CREG2: variants seen among roughly 807,000 people sequenced by gnomAD.
CREG2 encodes the protein protein CREG2.
CREG2 carries 24 observed loss-of-function variants against 26.2 expected under a neutral mutation model. The observed-to-expected ratio is 0.92, with a 90% CI of 0.66 to 1.29. The LOEUF (loss-of-function observed/expected upper bound fraction) is 1.29. CREG2 is among the 50% of genes most tolerant of loss of function. The probability of loss-of-function intolerance (pLI) is 0.00; values close to 1 mark genes in which losing one functional copy is unlikely to be tolerated. For missense variants in CREG2, 366 were observed against 398.6 expected (o/e 0.92, Z 0.70); for synonymous variants, 174 against 169.2 (o/e 1.03, Z -0.22).
chr2:101,372,611 A>C (rs1375990273), intron 2 of CREG2, among the ~76,000 whole-genome samples: 1 of 152,238 alleles, frequency 6.6e-6, no homozygotes, highest in East Asian at 1.9e-4. Flanking sequence ...CTATAAGCAC[A>C]AAAGGACATT....
chr2:101,374,625 C>G (rs149485553), intron 2 of CREG2, among the ~76,000 whole-genome samples: 3 of 152,212 alleles, frequency 2.0e-5, no homozygotes, highest in African/African-American at 7.2e-5. Context: ...GACAGAGATA[C>G]GTCTTGGCTC....
At chr2:101,384,486 G>A (rs903485568) in intron 1 of CREG2, among the ~76,000 whole-genome samples, 2 of 152,108 alleles carry the variant, frequency 1.3e-5, no homozygotes, top group Non-Finnish European at 2.9e-5. Flanking sequence ...TGGGTCATGG[G>A]GGTGGATCCC....
intron 1 of CREG2, among the ~76,000 whole-genome samples, chr2:101,385,945 A>G (rs1005197938): frequency 1.3e-5 from 2 of 152,248 alleles, no homozygotes; most frequent in African/African-American, 4.8e-5. Context: ...GTTTTCAACT[A>G]AGATCAGTGT....
chr2:101,374,785 C>T (rs1489150101), intron 2 of CREG2, among the ~76,000 whole-genome samples: 3 of 152,220 alleles, frequency 2.0e-5, no homozygotes, highest in Admixed American at 6.5e-5. Flanking sequence ...TTGAGGTTTT[C>T]ATCTATCATT....
chr2:101,370,373 G>A (rs1366758263), intron 2 of CREG2, among the ~76,000 whole-genome samples: 1 of 152,080 alleles, frequency 6.6e-6, no homozygotes, highest in Non-Finnish European at 1.5e-5. Flanking sequence ...CCATTTATTG[G>A]TGCTGAGAGT....
At chr2:101,382,712 A>T in intron 2 of CREG2, 2 of 985,380 alleles carry the variant, frequency 2.0e-6, no homozygotes, top group Non-Finnish European at 2.4e-6. Context: ...TTTGGTTATT[A>T]TGTTTTCCGT....
chr2:101,368,958 CTG>C lies in CREG2; in HGVS notation c.612-13594_612-13593del, dbSNP rs375031144. Among the ~76,000 whole-genome samples the C allele has an allele frequency of 5.8e-4, 89 of 152,324 alleles. 1 individual carries two copies. In the East Asian group the frequency reaches 0.017, roughly 29 times the overall value. The stretch of plus-strand genomic sequence containing the variant: ...ATTTTGTTACTGTTATTTGCACAGA[CTG>C]AGAGCCAAAAGGCCACTGGGACCAG... On this transcript the variant is annotated intron_variant, in intron 2 of 3. Transcript: ENST00000324768.
rs115900562 is a variant in CREG2, at chr2:101,386,867, A to G, written c.441+150T>C. On this transcript the variant is annotated intron_variant, in intron 1 of 3. Coordinates refer to ENST00000324768, the MANE Select transcript of CREG2 (RefSeq NM_153836.4). ...CACGGAGGCACCATCGCCTTCCATT[A>G]TGTACAGTGTCGAGGGTCCCATCCA... 1.2e-3 allele frequency: 961 copies of G among 769,210 alleles called. 2 individuals are homozygous for G. Among genetic ancestry groups the G allele is most frequent in the Non-Finnish European group, 1.5e-3 (870 of 567,924 alleles). The allele number at this position is 769,210 out of a possible 1,614,324, so 47.6% of individuals were successfully genotyped here. A position where few individuals can be genotyped will look rare whatever the true frequency, so the allele number is the denominator to read the frequency against.
intron 3 of CREG2, among the ~76,000 whole-genome samples, chr2:101,352,314 C>T (rs188391988): frequency 6.6e-6 from 1 of 152,224 alleles, no homozygotes; most frequent in East Asian, 1.9e-4. Flanking sequence ...GCCATAACAC[C>T]CCAAATATTA....
At chr2:101,385,395 G>C (rs1375194732) in intron 1 of CREG2, among the ~76,000 whole-genome samples, 1 of 152,198 alleles carries the variant, frequency 6.6e-6, no homozygotes, top group South Asian at 2.1e-4. Context: ...TGGCCAAGCT[G>C]GTCTTGAACT....
At chr2:101,372,327 GA>G (rs1460627251) in intron 2 of CREG2, among the ~76,000 whole-genome samples, 1 of 152,004 alleles carries the variant, frequency 6.6e-6, no homozygotes, top group African/African-American at 2.4e-5. Flanking sequence ...TCATCTGAAG[GA>G]AAAAAGTCTT....
chr2:101,350,762 C>A lies in CREG2; in HGVS notation c.*161G>T. Reference sequence around the variant, plus strand: ...GCAAATGACCACTTTAATCTCAAATCTAGCATAGAGTTCCCTGTTCACCCT... The same window carrying A: ...GCAAATGACCACTTTAATCTCAAATATAGCATAGAGTTCCCTGTTCACCCT... On this transcript the variant is annotated 3_prime_UTR_variant, in exon 4 of 4. Transcript: ENST00000324768. 1.4e-6 allele frequency: 1 copy of A among 690,870 alleles called. No homozygotes were observed. Among genetic ancestry groups the A allele is most frequent in the Non-Finnish European group, 2.5e-6 (1 of 404,368 alleles). The allele number at this position is 690,870 out of a possible 1,614,324, so 42.8% of individuals were successfully genotyped here.
In CREG2 at chr2:101,351,313, C is replaced by T. The variant is rs111354169; in HGVS notation, c.726-243G>A. Among the ~76,000 whole-genome samples the T allele has an allele frequency of 4.4e-3, 675 of 152,286 alleles. 7 individuals carry two copies. Among genetic ancestry groups the T allele is most frequent in the African/African-American group, 0.015 (614 of 41,560 alleles). On this transcript the variant is annotated intron_variant, in intron 3 of 3. Coordinates refer to ENST00000324768, the MANE Select transcript of CREG2 (RefSeq NM_153836.4). ...GGGCCAGGCTCCTTGGTGTGAATCT[C>T]AGTTCAACTGCTGATGAGCTGTGAC... is the stretch of plus-strand genomic sequence containing the variant.
At chr2:101,357,121 C>T (rs1684474424) in intron 2 of CREG2, among the ~76,000 whole-genome samples, 1 of 152,140 alleles carries the variant, frequency 6.6e-6, no homozygotes, top group African/African-American at 2.4e-5. Flanking sequence ...ACTCCTGACC[C>T]TGTGATTCGC....
At chr2:101,376,461 GT>G (rs1684792593) in intron 2 of CREG2, among the ~76,000 whole-genome samples, 1 of 152,052 alleles carries the variant, frequency 6.6e-6, no homozygotes, top group Admixed American at 6.6e-5. Context: ...TGTATTTTTA[GT>G]AGAGACAGGG....
rs966209037 is a variant in CREG2, at chr2:101,347,724, T to C, written c.*3199A>G. On this transcript the variant is annotated 3_prime_UTR_variant, in exon 4 of 4. Transcript: ENST00000324768. Reference sequence around the variant, plus strand: ...CTTTATATATTCTAGATACTAATCTTTTGTTGGATATGTGGTTTGGAAATA... The same window carrying C: ...CTTTATATATTCTAGATACTAATCTCTTGTTGGATATGTGGTTTGGAAATA... 7 of 152,218 alleles carry C rather than the reference T, an allele frequency of 4.6e-5. No homozygotes were observed. Among genetic ancestry groups the C allele is most frequent in the African/African-American group, 1.7e-4 (7 of 41,458 alleles). The allele number at this position is 152,218 out of a possible 1,614,324, so 9.4% of individuals were successfully genotyped here. A position where few individuals can be genotyped will look rare whatever the true frequency, so the allele number is the denominator to read the frequency against.
chr2:101,353,408 A>G (rs1684410976), intron 3 of CREG2, among the ~76,000 whole-genome samples: 1 of 152,240 alleles, frequency 6.6e-6, no homozygotes, highest in African/African-American at 2.4e-5. Flanking sequence ...AATCAAAACC[A>G]CAATGGATAC....
chr2:101,353,600 C>T (rs1341475531), intron 3 of CREG2, among the ~76,000 whole-genome samples: 1 of 152,190 alleles, frequency 6.6e-6, no homozygotes, highest in Non-Finnish European at 1.5e-5. Context: ...TTGACCCAGC[C>T]ATCCCATTAC....
At chr2:101,376,051 A>G (rs370716779) in intron 2 of CREG2, 36 of 211,552 alleles carry the variant, frequency 1.7e-4, no homozygotes, top group African/African-American at 7.9e-4. Context: ...ATGCTGTGGA[A>G]GCTCTGATCT....
Sources: gnomAD v4.1 joint callset for allele counts (sites outside exome capture counted in the v4.1 genomes callset) on GRCh38, gnomAD v4.1.1 for gene constraint, MANE v1.5 for transcripts, NCBI Gene and HGNC (gene_info 2026-07-23, HGNC 2026-07-21) for gene names.